DCC: variants seen among roughly 807,000 people sequenced by gnomAD.
The protein encoded by DCC is DCC netrin 1 receptor.
DCC carries 58 observed loss-of-function variants against 172.5 expected under a neutral mutation model. The ratio of observed to expected loss-of-function variants is 0.34; its 90% CI spans 0.27 to 0.42. The LOEUF (loss-of-function observed/expected upper bound fraction) is 0.42, where lower values mean the gene tolerates loss of function less well. DCC is among the 10% of genes least tolerant of loss of function. The pLI is 1.00. For synonymous variants in DCC, 709 were observed against 644.5 expected, an observed-to-expected ratio of 1.10 and a Z score of -1.52; for missense variants, 1,740 against 1,791.0, an observed-to-expected ratio of 0.97 and a Z score of 0.51.
At chr18:52,698,871 AG>A in intron 1 of DCC, among the ~76,000 whole-genome samples, 1 of 151,044 alleles carries the variant, frequency 6.6e-6, no homozygotes, top group East Asian at 2.0e-4. Flanking sequence ...GGCCTCCCAA[AG>A]TGCTGGGATT....
chr18:52,572,573 G>A (rs562534611), intron 1 of DCC, among the ~76,000 whole-genome samples: 13 of 152,296 alleles, frequency 8.5e-5, no homozygotes, highest in African/African-American at 2.4e-4. Context: ...GTTGAGGGCC[G>A]TGACTGTATT....
At chr18:53,106,654 T>C (rs1162472293) in intron 7 of DCC, among the ~76,000 whole-genome samples, 3 of 151,944 alleles carry the variant, frequency 2.0e-5, no homozygotes, top group Admixed American at 2.0e-4. Flanking sequence ...AGAGGGTTGT[T>C]GGATCTAGAA....
chr18:53,300,527 A>G (rs1476399390), intron 12 of DCC, among the ~76,000 whole-genome samples: 4 of 152,198 alleles, frequency 2.6e-5, no homozygotes, highest in South Asian at 2.1e-4. Context: ...TATTTCTCGC[A>G]TTAAAGTTCA....
chr18:53,091,870 T>C (rs1263884353), intron 7 of DCC, among the ~76,000 whole-genome samples: 1 of 151,446 alleles, frequency 6.6e-6, no homozygotes, highest in African/African-American at 2.4e-5. Context: ...TATATATATA[T>C]ATATATCTAC....
At chr18:53,270,379 G>C (rs1245478848) in intron 12 of DCC, among the ~76,000 whole-genome samples, 2 of 151,550 alleles carry the variant, frequency 1.3e-5, no homozygotes, top group Non-Finnish European at 2.9e-5. Flanking sequence ...TGGGGGAGGG[G>C]GAAAAGTGCC....
intron 1 of DCC, among the ~76,000 whole-genome samples, chr18:52,550,989 G>A (rs927843023): frequency 4.0e-5 from 6 of 151,806 alleles, no homozygotes; most frequent in Non-Finnish European, 8.8e-5. Context: ...GGAATAAGAG[G>A]TACATGTGCA....
rs1169847248 is a variant in DCC at position 53,427,900 on chromosome 18, TATATAATATATAATA to T, written c.3164-7228_3164-7214del. 3.6e-3 allele frequency among the ~76,000 whole-genome samples: 286 copies of T among 79,550 alleles called. 46 individuals are homozygous for T. Among genetic ancestry groups the T allele is most frequent in the African/African-American group, 8.8e-3 (224 of 25,410 alleles). The allele number at this position is 79,550 out of a possible 152,430, so 52.2% of individuals were successfully genotyped here. A position where few individuals can be genotyped will look rare whatever the true frequency, so the allele number is the denominator to read the frequency against. On this transcript the variant is annotated intron_variant, in intron 21 of 28. Transcript: ENST00000442544. ...TATACATATATAATATAATAAATTA[TATATAATATATAATA>T]ATATAATATATAATATAATATAATA...
intron 2 of DCC, among the ~76,000 whole-genome samples, chr18:52,785,221 AGAAGG>A (rs2037633658): frequency 1.3e-5 from 2 of 152,002 alleles, no homozygotes; most frequent in South Asian, 4.2e-4. Context: ...GCTGACAAAG[AGAAGG>A]GAAGATGGAG....
chr18:53,512,953 A>G (rs1445850472), intron 27 of DCC, among the ~76,000 whole-genome samples: 1 of 152,188 alleles, frequency 6.6e-6, no homozygotes, highest in Non-Finnish European at 1.5e-5. Flanking sequence ...TTCAGGAAAT[A>G]CAGAGAATGC....
intron 1 of DCC, among the ~76,000 whole-genome samples, chr18:52,427,804 T>TTTTATTCC (rs1555681260): frequency 1.5e-5 from 2 of 136,836 alleles, no homozygotes; most frequent in African/African-American, 3.1e-5. Context: ...ACTAACTTTC[T>TTTTATTCC]TTTCTTCCTT....
intron 1 of DCC, among the ~76,000 whole-genome samples, chr18:52,743,718 T>C (rs1289354122): frequency 2.0e-5 from 3 of 152,234 alleles, no homozygotes; most frequent in African/African-American, 7.2e-5. Flanking sequence ...GTGCTCGGAA[T>C]GTCGGATGTG....
chr18:53,035,158 A>G (rs1407932236), intron 5 of DCC, among the ~76,000 whole-genome samples: 1 of 103,930 alleles, frequency 9.6e-6, no homozygotes, highest in African/African-American at 4.5e-5. Flanking sequence ...TCAAACATTT[A>G]TCTGTGTGTG....
intron 12 of DCC, among the ~76,000 whole-genome samples, chr18:53,246,750 G>A (rs1393834438): frequency 6.6e-6 from 1 of 152,048 alleles, no homozygotes; most frequent in Non-Finnish European, 1.5e-5. Flanking sequence ...GCATGGGAAT[G>A]GAGAGTAGAA....
Position 52,933,881 on chromosome 18 carries a change from A to G in DCC, c.985+8511A>G, listed in dbSNP as rs1286489879. Among the ~76,000 whole-genome samples the G allele has an allele frequency of 5.9e-5, 9 of 152,212 alleles. No individual in the cohort carries two copies. The East Asian group carries it at 1.7e-3, about 29-fold the overall frequency. On this transcript the variant is annotated intron_variant, in intron 5 of 28. Coordinates refer to ENST00000442544, the MANE Select transcript of DCC (RefSeq NM_005215.4). ...TTTCTTATTCGTTTGTAAAACAATG[A>G]TAATTACTTTATCATAGGATTTGGT... is the stretch of plus-strand genomic sequence containing the variant.
At chr18:52,427,819 CCTTCCTTCCTTCCTTT>C (rs1270094616) in intron 1 of DCC, among the ~76,000 whole-genome samples, 3,033 of 90,664 alleles carry the variant, frequency 0.033, 67 homozygotes, top group Middle Eastern at 0.057. Context: ...TTCCTTTCTT[CCTTCCTTCCTTCCTTT>C]CTTCCTTCCT....
intron 1 of DCC, among the ~76,000 whole-genome samples, chr18:52,537,727 A>ATGGC (rs1426437112): frequency 3.9e-5 from 6 of 152,218 alleles, no homozygotes; most frequent in Non-Finnish European, 5.9e-5. Flanking sequence ...AAAATGGCAT[A>ATGGC]TGGCTCTTCA....
At chr18:52,484,452 G>A (rs1221433888) in intron 1 of DCC, among the ~76,000 whole-genome samples, 1 of 152,030 alleles carries the variant, frequency 6.6e-6, no homozygotes. Context: ...TTCCCATTCA[G>A]CATTCCTTGA....
At chr18:53,280,664 A>G (rs967311424) in intron 12 of DCC, among the ~76,000 whole-genome samples, 1 of 152,054 alleles carries the variant, frequency 6.6e-6, no homozygotes, top group African/African-American at 2.4e-5. Context: ...CTTTCTCAAA[A>G]TCACTATTAA....
At chr18:53,385,979 G>T (rs1274644914) in intron 15 of DCC, 64 bp from the exon 16 acceptor site, 5 of 1,075,686 alleles carry the variant, frequency 4.6e-6, no homozygotes, top group African/African-American at 1.5e-5. Context: ...GAAAATGTTT[G>T]CCTTGAGTAT....
Sources: gnomAD v4.1 joint callset for allele counts (sites outside exome capture counted in the v4.1 genomes callset) on GRCh38, gnomAD v4.1.1 for gene constraint, MANE v1.5 for transcripts, NCBI Gene and HGNC (gene_info 2026-07-23, HGNC 2026-07-21) for gene names.